Variants in GRID1 observed in about 807,000 individuals in gnomAD.
The protein encoded by GRID1 is glutamate receptor ionotropic, delta-1.
A neutral mutation model predicts 98.0 loss-of-function variants in GRID1; 28 were observed. The ratio of observed to expected loss-of-function variants is 0.29; its 90% CI spans 0.21 to 0.39. GRID1 has a LOEUF of 0.39. GRID1 is among the 10% of genes least tolerant of loss of function. The pLI is 1.00. For synonymous variants in GRID1, 553 were observed against 538.5 expected (o/e 1.03, Z -0.37); for missense variants, 1,111 against 1,340.5 (o/e 0.83, Z 2.67).
intron 2 of GRID1, among the ~76,000 whole-genome samples, chr10:86,335,117 T>C (rs542962355): frequency 2.6e-5 from 4 of 152,364 alleles, no homozygotes; most frequent in Middle Eastern, 3.4e-3. Flanking sequence ...ACTTAGACTT[T>C]CATTGCTATA....
At position 86,314,659 on chromosome 10, in the gene GRID1, C is replaced by T. The variant is rs115514717; in HGVS notation, c.235+49282G>A. On this transcript the variant is annotated intron_variant, in intron 2 of 15. Transcript: ENST00000327946. The stretch of plus-strand genomic sequence containing the variant: ...CCTGCTGCTCACCAGAACAAGACCC[C>T]CTGAGGAGGCTGCTCTCTGAAGGTG... 3.5e-3 allele frequency among the ~76,000 whole-genome samples: 531 copies of T among 152,316 alleles called. 2 individuals are homozygous for T. The highest frequency in any genetic ancestry group is 0.012 in the African/African-American group (510 of 41,576).
At chr10:85,649,714 G>A (rs1843240844) in intron 12 of GRID1, among the ~76,000 whole-genome samples, 1 of 152,074 alleles carries the variant, frequency 6.6e-6, no homozygotes, top group Non-Finnish European at 1.5e-5. Context: ...TCTCCACTTG[G>A]TATTATTCAT....
rs1842938813 is a variant in GRID1, at chr10:85,628,666, G to A, written c.2194-8633C>T. On this transcript the variant is annotated intron_variant, in intron 13 of 15. Transcript: ENST00000327946. The stretch of plus-strand genomic sequence containing the variant: ...GAAACCTGCTACCCAAAGAATGAAA[G>A]GTAAAGACTTTTTATCCAGATCAGA... Among the ~76,000 whole-genome samples, 3 of 152,168 alleles carry A rather than the reference G, an allele frequency of 2.0e-5. No individual in the cohort carries two copies. In the South Asian group the frequency reaches 6.2e-4, roughly 31 times the overall value.
chr10:86,230,241 C>T (rs1846429354), intron 2 of GRID1, among the ~76,000 whole-genome samples: 1 of 151,426 alleles, frequency 6.6e-6, no homozygotes, highest in South Asian at 2.1e-4. Flanking sequence ...ACCCACCCTA[C>T]CCCAACCCAG....
chr10:86,356,210 A>G (rs1034772786), intron 2 of GRID1, among the ~76,000 whole-genome samples: 2 of 152,196 alleles, frequency 1.3e-5, no homozygotes, highest in Non-Finnish European at 2.9e-5. Context: ...TCTGCAGAGG[A>G]GGGACAAGTC....
intron 4 of GRID1, among the ~76,000 whole-genome samples, chr10:85,931,547 T>C (rs1057296720): frequency 1.1e-4 from 17 of 152,358 alleles, no homozygotes; most frequent in African/African-American, 3.6e-4. Flanking sequence ...TCAGTCATCA[T>C]GTTTCTCTTC....
intron 4 of GRID1, among the ~76,000 whole-genome samples, chr10:86,012,103 CAG>C (rs1398002727): frequency 2.0e-5 from 3 of 152,138 alleles, no homozygotes; most frequent in Non-Finnish European, 4.4e-5. Context: ...GCCTGGGCAA[CAG>C]AGAGGGACTC....
At chr10:85,972,013 G>T (rs1842414221) in intron 4 of GRID1, among the ~76,000 whole-genome samples, 1 of 152,096 alleles carries the variant, frequency 6.6e-6, no homozygotes, top group South Asian at 2.1e-4. Flanking sequence ...TGTCTACGTG[G>T]TAACAAATGA....
chr10:86,359,494 T>C (rs2132122273), intron 2 of GRID1, among the ~76,000 whole-genome samples: 1 of 152,326 alleles, frequency 6.6e-6, no homozygotes, highest in South Asian at 2.1e-4. Flanking sequence ...TTTATTTTAT[T>C]TCATTGTTTC....
intron 4 of GRID1, among the ~76,000 whole-genome samples, chr10:86,110,298 G>A (rs1230926995): frequency 6.6e-6 from 1 of 152,076 alleles, no homozygotes; most frequent in Non-Finnish European, 1.5e-5. Flanking sequence ...CACCCCCTGG[G>A]TCACCCATCC....
chr10:86,206,506 G>A lies in GRID1; in HGVS notation c.378C>T (p.Thr126=), dbSNP rs200905925. 133 of 1,614,106 alleles carry A rather than the reference G, an allele frequency of 8.2e-5. 1 individual carries two copies. Among genetic ancestry groups the A allele is most frequent in the Admixed American group, 2.8e-4 (17 of 60,014 alleles). Reference sequence around the variant, plus strand: ...CGGGGCTGGGGTTCAGGTGGCATGCGGTGCGTGGCGACCCTCCCGGGTTGC... The same window carrying A: ...CGGGGCTGGGGTTCAGGTGGCATGCAGTGCGTGGCGACCCTCCCGGGTTGC... ...VQRNPGGSPR[T]ACHLNPSPDG... The change falls in exon 3 of 16, where the codon ACC becomes ACT. Residue 126 remains threonine, a synonymous_variant. Coordinates refer to ENST00000327946, the MANE Select transcript of GRID1 (RefSeq NM_017551.3). The surrounding 1 kb of genome is among the most constrained non-coding windows in gnomAD (Gnocchi z 4.1).
intron 2 of GRID1, among the ~76,000 whole-genome samples, chr10:86,363,559 G>A (rs1246322471): frequency 2.0e-5 from 3 of 152,094 alleles, no homozygotes; most frequent in Non-Finnish European, 4.4e-5. Context: ...ATCAGGGGAG[G>A]TGCGCCCGAT....
intron 4 of GRID1, among the ~76,000 whole-genome samples, chr10:86,064,377 G>A (rs531812863): frequency 3.3e-5 from 5 of 152,294 alleles, no homozygotes; most frequent in South Asian, 2.1e-4. Flanking sequence ...CTCTTCTGGG[G>A]AGACAGGGAC....
At chr10:85,976,100 G>A (rs982416949) in intron 4 of GRID1, among the ~76,000 whole-genome samples, 2 of 152,028 alleles carry the variant, frequency 1.3e-5, no homozygotes, top group African/African-American at 2.4e-5. Context: ...TCTTTCTTAC[G>A]ATCTGAACAT....
intron 8 of GRID1, among the ~76,000 whole-genome samples, chr10:85,836,016 A>G (rs1182307428): frequency 6.6e-6 from 1 of 152,196 alleles, no homozygotes; most frequent in Non-Finnish European, 1.5e-5. Flanking sequence ...ATATTAAATT[A>G]TGTAAAATGC....
At chr10:86,286,061 T>A (rs1847426857) in intron 2 of GRID1, among the ~76,000 whole-genome samples, 1 of 152,036 alleles carries the variant, frequency 6.6e-6, no homozygotes, top group Non-Finnish European at 1.5e-5. Context: ...GGGATAGGGA[T>A]GGGGATAGGG....
chr10:86,124,413 T>C (rs1375517483), intron 4 of GRID1, among the ~76,000 whole-genome samples: 2 of 152,290 alleles, frequency 1.3e-5, no homozygotes, highest in South Asian at 2.1e-4. Context: ...CAGGACCACA[T>C]GACATTCCAG....
At chr10:86,064,355 G>T (rs1843690875) in intron 4 of GRID1, among the ~76,000 whole-genome samples, 1 of 152,154 alleles carries the variant, frequency 6.6e-6, no homozygotes, top group Admixed American at 6.5e-5. Flanking sequence ...ATGAAAAAAG[G>T]CCTCCTGGTT....
rs147420498 is a variant in GRID1 at position 85,656,932 on chromosome 10, C to A, written c.1998-9535G>T. Among the ~76,000 whole-genome samples the A allele has an allele frequency of 6.6e-5, 10 of 152,272 alleles. No individual in the cohort carries two copies. The East Asian group carries it at 1.7e-3, about 27-fold the overall frequency. ...ATCATGTCACCTCATCATTCAAAGC[C>A]CTCCAATGACTTCTTGACTCCAAAG... On this transcript the variant is annotated intron_variant, in intron 12 of 15. Coordinates refer to ENST00000327946, the MANE Select transcript of GRID1 (RefSeq NM_017551.3).
Sources: allele counts gnomAD v4.1 joint callset (sites outside exome capture counted in the v4.1 genomes callset), GRCh38; gene constraint gnomAD v4.1.1; non-coding constraint Gnocchi (gnomAD v3.1); transcripts MANE v1.5; gene names NCBI Gene and HGNC (gene_info 2026-07-23, HGNC 2026-07-21).